MYO1F: variants seen among roughly 807,000 people sequenced by gnomAD.
MYO1F encodes myosin IF, also known as unconventional myosin-If.
MYO1F carries 60 observed loss-of-function variants against 146.6 expected under a neutral mutation model. That is an observed-to-expected ratio of 0.41 (90% confidence interval 0.33 to 0.51). The LOEUF is 0.51. Among genes scored for constraint, MYO1F ranks in the 20% least tolerant of loss-of-function variants. The pLI is 0.25. For missense variants in MYO1F, 1,274 were observed against 1,534.3 expected (o/e 0.83, Z 2.83); for synonymous variants, 602 against 602.1 (o/e 1.00, Z 0.00).
rs1230673883 is a variant in MYO1F at position 8,522,404 on chromosome 19, T to C, written c.3193A>G (p.Asn1065Asp). The change falls in exon 27 of 28, where the codon AAC becomes GAC. Residue 1065 changes from asparagine (N) to aspartate (D), a missense_variant. This residue lies in a region of MYO1F where 374 missense variants were observed against 379.2 expected (regional missense o/e 0.99). Transcript: ENST00000644032. ...QDVDELSFNV[N>D]EVIEILMEDP... ...TCCATGAGGATCTCAATGACCTCGTTCACGTTGAAGCTCAGCTCGTCCACA... is the reference window on the plus strand; with the variant it reads ...TCCATGAGGATCTCAATGACCTCGTCCACGTTGAAGCTCAGCTCGTCCACA... The C allele has an allele frequency of 3.1e-6, 5 of 1,614,138 alleles. 1 individual carries two copies. The South Asian group carries it at 5.5e-5, about 18-fold the overall frequency.
chr19:8,568,664 G>A (rs369882423), intron 1 of MYO1F, among the ~76,000 whole-genome samples: 2 of 152,144 alleles, frequency 1.3e-5, no homozygotes, highest in East Asian at 3.9e-4. Flanking sequence ...GCTCACGCCT[G>A]TAATCCCAGC....
At chr19:8,556,496 A>AAGAAAGAAAAAG (rs1555727819) in intron 1 of MYO1F, among the ~76,000 whole-genome samples, 1 of 141,656 alleles carries the variant, frequency 7.1e-6, no homozygotes, top group African/African-American at 2.9e-5. Flanking sequence ...GAAAGAAAGA[A>AAGAAAGAAAAAG]AGAAAGAAAG....
At chr19:8,541,578 G>A (rs561634752) in intron 15 of MYO1F, 49 of 342,734 alleles carry the variant, frequency 1.4e-4, no homozygotes, top group East Asian at 2.8e-4. Flanking sequence ...ACAGGTGCGC[G>A]CCACCACGCC....
At position 8,525,547 on chromosome 19, in the gene MYO1F, C is replaced by T. The variant is rs200871128; in HGVS notation, c.2786G>A (p.Gly929Glu). The T allele has an allele frequency of 6.2e-7, 1 of 1,613,526 alleles. No homozygotes were observed. The highest frequency in any genetic ancestry group is 1.1e-5 in the South Asian group (1 of 91,088). ...LPKSSKPTRK[G>E]MAKGKPRRSS... is the part of the protein sequence containing the mutation. Reference sequence around the variant, plus strand: ...CCTCCGAGGTTTTCCCTTGGCCATTCCCTTCCGCGTAGGCTCTGAAAGAAG... The same window carrying T: ...CCTCCGAGGTTTTCCCTTGGCCATTTCCTTCCGCGTAGGCTCTGAAAGAAG... The change falls in exon 25 of 28, where the codon GGA (glycine) becomes GAA (glutamate). Residue 929 changes from glycine (G) to glutamate (E), a missense_variant. Around this residue, in one of 2 missense-constraint regions of MYO1F, gnomAD observed 374 missense variants for 379.2 expected, o/e 0.99. Coordinates refer to ENST00000644032, the MANE Select transcript of MYO1F (RefSeq NM_012335.4).
chr19:8,525,980 C>T (rs182321380), intron 24 of MYO1F, among the ~76,000 whole-genome samples: 1 of 152,048 alleles, frequency 6.6e-6, no homozygotes, highest in African/African-American at 2.4e-5. Context: ...CCTCCATGGC[C>T]ACGTCCCTCC....
At chr19:8,532,866 A>AG (rs1257247427) in intron 19 of MYO1F, among the ~76,000 whole-genome samples, 1 of 139,402 alleles carries the variant, frequency 7.2e-6, no homozygotes, top group Non-Finnish European at 1.5e-5. Context: ...CCAGCCTGGG[A>AG]GATAGAGTGA....
In MYO1F at chr19:8,537,004, T is replaced by A; in HGVS notation, c.1744A>T (p.Ile582Phe). 1 of 1,608,948 alleles carries A rather than the reference T, an allele frequency of 6.2e-7. No homozygotes were observed. The highest frequency in any genetic ancestry group is 8.5e-7 in the Non-Finnish European group (1 of 1,177,580). ...GTCTCGTTGGGTTTGATGCAGCGGA[T>A]GTAGTGGGGTGTGCACCTCATCAGT... ...ATLMRCTPHY[I>F]RCIKPNETKR... Residue 582 changes from isoleucine to phenylalanine, a missense_variant, in exon 17 of 28, where the codon ATC (isoleucine) becomes TTC (phenylalanine). This residue lies in a region of MYO1F where 900 missense variants were observed against 1,155.1 expected (regional missense o/e 0.78). Transcript: ENST00000644032.
At chr19:8,553,716 A>G (rs1973710181) in intron 4 of MYO1F, among the ~76,000 whole-genome samples, 1 of 151,896 alleles carries the variant, frequency 6.6e-6, no homozygotes. Flanking sequence ...CTACTAAAAT[A>G]CAAAAATTAG....
chr19:8,567,491 C>G (rs745695943), intron 1 of MYO1F, among the ~76,000 whole-genome samples: 9 of 152,124 alleles, frequency 5.9e-5, no homozygotes, highest in Admixed American at 1.3e-4. Context: ...GCCTCAGCCT[C>G]TTGAGTAGCT....
chr19:8,547,990 C>G (rs749854928), intron 12 of MYO1F, 46 bp downstream of exon 12: 4 of 1,112,570 alleles, frequency 3.6e-6, no homozygotes, highest in Non-Finnish European at 5.5e-6. Context: ...CCTTCCACCC[C>G]ACCCCCACCC....
chr19:8,536,661 G>GGCTGGTAAC, intron 17 of MYO1F, 64 bp from the exon 18 acceptor site: 2 of 371,552 alleles, frequency 5.4e-6, no homozygotes, highest in Admixed American at 3.2e-5. Flanking sequence ...GGGTGGGTGG[G>GGCTGGTAAC]AGGTGCTGGA....
At chr19:8,524,203 G>A (rs1972173662) in intron 25 of MYO1F, among the ~76,000 whole-genome samples, 1 of 150,010 alleles carries the variant, frequency 6.7e-6, no homozygotes, top group Non-Finnish European at 1.5e-5. Flanking sequence ...GGTGGATCAC[G>A]AGGTCAGGAG....
chr19:8,536,452 C>A, intron 18 of MYO1F, 47 bp downstream of exon 18: 2 of 1,606,158 alleles, frequency 1.2e-6, no homozygotes, highest in Non-Finnish European at 8.5e-7. Flanking sequence ...CCTGGCTGGG[C>A]GTTCTGATGA....
At chr19:8,551,940 G>T in intron 7 of MYO1F, 66 bp from the exon 8 acceptor site, 3 of 1,613,768 alleles carry the variant, frequency 1.9e-6, no homozygotes, top group South Asian at 1.1e-5. Context: ...TCCCTCATCT[G>T]CCCTGCCATG....
chr19:8,527,086 C>T, intron 22 of MYO1F, 151 bp from the exon 23 acceptor site: 1 of 1,140,022 alleles, frequency 8.8e-7, no homozygotes, highest in South Asian at 1.4e-5. Context: ...GGGGATGTGG[C>T]AAGGAGTGGA....
At chr19:8,537,879 C>T (rs929400722) in intron 16 of MYO1F, among the ~76,000 whole-genome samples, 1 of 152,162 alleles carries the variant, frequency 6.6e-6, no homozygotes, top group African/African-American at 2.4e-5. Flanking sequence ...CAGGTCTGAG[C>T]CACTGTGCCT....
intron 14 of MYO1F, among the ~76,000 whole-genome samples, chr19:8,543,348 G>A (rs1220823642): frequency 2.0e-5 from 3 of 152,096 alleles, no homozygotes; most frequent in African/African-American, 4.8e-5. Flanking sequence ...TGTAGCCTTC[G>A]GTAGGGGTCT....
Position 8,577,328 on chromosome 19 carries a change from GGGCTCCTGGA to G in MYO1F, c.-29_-20del. 6.2e-7 allele frequency: 1 copy of G among 1,613,968 alleles called. No individual in the cohort carries two copies. Among genetic ancestry groups the G allele is most frequent in the Non-Finnish European group, 8.5e-7 (1 of 1,179,950 alleles). On this transcript the variant is annotated 5_prime_UTR_variant, in exon 1 of 28. Transcript: ENST00000644032. The surrounding 1 kb of genome is among the most constrained non-coding windows in gnomAD (Gnocchi z 4.3). The stretch of plus-strand genomic sequence containing the variant: ...TTACCATGGTGGGGGGCTGGTGTCT[GGGCTCCTGGA>G]GGCTCCTGAATGGGTCGTGATGGAG...
At chr19:8,553,312 G>A in intron 5 of MYO1F, 38 bp downstream of exon 5, 1 of 1,612,476 alleles carries the variant, frequency 6.2e-7, no homozygotes, top group African/African-American at 1.3e-5. Context: ...ATGCAGGTGA[G>A]GGCGACCCAG....
Sources: gnomAD v4.1 joint callset for allele counts (sites outside exome capture counted in the v4.1 genomes callset) on GRCh38, gnomAD v4.1.1 for gene constraint, gnomAD v4.1.1 regional missense constraint, Gnocchi (gnomAD v3.1) non-coding constraint, MANE v1.5 for transcripts, NCBI Gene and HGNC (gene_info 2026-07-23, HGNC 2026-07-21) for gene names.